Variants in SLC4A9 observed in about 807,000 individuals in gnomAD.
The protein encoded by SLC4A9 is solute carrier family 4 member 9.
In SLC4A9, 102 loss-of-function variants were observed where a neutral mutation model predicts 103.2. That is an observed-to-expected ratio of 0.99 (90% CI 0.84 to 1.17). SLC4A9 has a LOEUF of 1.17. Ranked by LOEUF, SLC4A9 falls within the 50% of genes most tolerant of loss-of-function variation. SLC4A9 has a pLI of 0.00. For missense variants in SLC4A9, 1,091 were observed against 1,193.7 expected (o/e 0.91, Z 1.27); for synonymous variants, 453 against 483.6 (o/e 0.94, Z 0.83).
In SLC4A9 at chr5:140,363,840, G is replaced by T; in HGVS notation, c.1192G>T (p.Ala398Ser). ...CFSAVLYIYL[A>S]TVTNAITFGG... ...CTCGGCCGTACTCTACATTTACCTG[G>T]CCACTGTCACTAATGCCATCACTTT... The change falls in exon 9 of 22, where the codon GCC (alanine) becomes TCC (serine). Residue 398 changes from alanine to serine, a missense_variant. Ala to Ser is a moderately conservative substitution (Grantham distance 99). Transcript: ENST00000506757. This position sits in a 1 kb window ranked among gnomAD's most constrained non-coding sequence, Gnocchi z 4.5. 5 of 1,613,992 alleles carry T rather than the reference G, an allele frequency of 3.1e-6. No individual in the cohort carries two copies. Among genetic ancestry groups the T allele is most frequent in the Non-Finnish European group, 3.4e-6 (4 of 1,179,872 alleles).
At chr5:140,366,811 C>A (rs1419499864) in intron 14 of SLC4A9, among the ~76,000 whole-genome samples, 2 of 152,196 alleles carry the variant, frequency 1.3e-5, no homozygotes, top group Non-Finnish European at 2.9e-5. Context: ...TCCCACCCCA[C>A]GTTGCCTACC....
At chr5:140,370,965 GA>G in intron 17 of SLC4A9, 129 bp from the exon 18 acceptor site, 1 of 683,704 alleles carries the variant, frequency 1.5e-6, no homozygotes, top group South Asian at 1.9e-5. Context: ...TGAAACATGT[GA>G]AAGGAAAGGC....
At position 140,364,185 on chromosome 5, in the gene SLC4A9, C is replaced by T. The variant is rs1340545420; in HGVS notation, c.1386C>T (p.Ser462=). 1.3e-6 allele frequency: 2 copies of T among 1,562,676 alleles called. No homozygotes were observed. Among genetic ancestry groups the T allele is most frequent in the African/African-American group, 2.7e-5 (2 of 73,382 alleles). Residue 462 remains serine (S), a splice_region_variant and synonymous_variant, in exon 10 of 22, where the codon AGC becomes AGT. Transcript: ENST00000506757. The stretch of plus-strand genomic sequence containing the variant: ...TTGAGCGCCTGCTCTTCTCTTTCAG[C>T]AGGTAGGAGAGCTCCCCCCATCACC... ...LVFERLLFSF[S]RDYSLDYLPF... is the part of the protein sequence containing the mutation.
At chr5:140,364,256 T>C in intron 10 of SLC4A9, 69 bp downstream of exon 10, 1 of 1,578,348 alleles carries the variant, frequency 6.3e-7, no homozygotes. Flanking sequence ...GCTGGGTGAA[T>C]AGGAGAGAGT....
At chr5:140,370,441 G>A (rs1478338652) in intron 17 of SLC4A9, among the ~76,000 whole-genome samples, 1 of 151,104 alleles carries the variant, frequency 6.6e-6, no homozygotes, top group East Asian at 1.9e-4. Flanking sequence ...CTCCAGTCTG[G>A]GTGGAAGAAC....
chr5:140,362,871 C>A (rs1210923971), intron 6 of SLC4A9, 41 bp from the exon 7 acceptor site: 1 of 1,612,906 alleles, frequency 6.2e-7, no homozygotes, highest in Non-Finnish European at 8.5e-7. Context: ...TGTAAGAGAC[C>A]AGGTTTGCAC....
intron 18 of SLC4A9, 139 bp from the exon 19 acceptor site, chr5:140,371,312 T>C: frequency 1.4e-6 from 2 of 1,397,586 alleles, no homozygotes; most frequent in East Asian, 2.3e-5. Context: ...TACTCTCTTT[T>C]TCCTGTCTCT....
intron 19 of SLC4A9, 102 bp from the exon 20 acceptor site, chr5:140,372,140 T>TA (rs1241192883): frequency 9.5e-7 from 1 of 1,049,612 alleles, no homozygotes; most frequent in Non-Finnish European, 1.3e-6. Flanking sequence ...GTGAAACTGA[T>TA]ATACAATGCC....
Position 140,363,592 on chromosome 5 carries a change from T to C in SLC4A9, c.1079+37T>C. 2 of 1,553,604 alleles carry C rather than the reference T, an allele frequency of 1.3e-6. No individual in the cohort carries two copies. The highest frequency in any genetic ancestry group is 1.7e-6 in the Non-Finnish European group (2 of 1,147,940). On this transcript the variant is annotated intron_variant, in intron 8 of 21. Transcript: ENST00000506757. The surrounding 1 kb of genome is among the most constrained non-coding windows in gnomAD (Gnocchi z 4.5). ...TGGGAGGAAACAAGGGTAGGTGACC[T>C]GGGGGAGGGGAGGAGTCACAGGGAA...
chr5:140,364,922 C>T (rs1767660389), intron 11 of SLC4A9, among the ~76,000 whole-genome samples: 1 of 152,206 alleles, frequency 6.6e-6, no homozygotes, highest in Non-Finnish European at 1.5e-5. Context: ...GTCGTGGAAG[C>T]ACTGGTTTGA....
Position 140,374,988 on chromosome 5 carries a change from A to G in SLC4A9, c.*207A>G, listed in dbSNP as rs1041160435. 4.6e-5 allele frequency: 7 copies of G among 152,048 alleles called. No homozygotes were observed. Among genetic ancestry groups the G allele is most frequent in the African/African-American group, 1.7e-4 (7 of 41,390 alleles). 9.4% of individuals were successfully genotyped at this position (152,048 alleles called of 1,614,324 possible). ...ATCAGGCCCCATTCACTCTCTACTC[A>G]TTAAAAGGTCCTGAGCCACGAAGCG... On this transcript the variant is annotated 3_prime_UTR_variant, in exon 22 of 22. Transcript: ENST00000506757.
At chr5:140,361,714 T>G (rs1001229584) in intron 3 of SLC4A9, 94 bp from the exon 4 acceptor site, 38 of 1,389,520 alleles carry the variant, frequency 2.7e-5, no homozygotes, top group Non-Finnish European at 3.8e-5. Context: ...ACTCTAATTC[T>G]TACAGCTTGT....
At position 140,360,317 on chromosome 5, in the gene SLC4A9, C is replaced by G. The variant is rs765949112; in HGVS notation, c.81C>G (p.Ser27Arg). 1.2e-5 allele frequency: 19 copies of G among 1,612,258 alleles called. No homozygotes were observed. The highest frequency in any genetic ancestry group is 1.7e-4 in the Middle Eastern group (1 of 6,060). Residue 27 changes from serine (S) to arginine (R), a missense_variant, in exon 1 of 22, where the codon AGC (serine) becomes AGG (arginine). Coordinates refer to ENST00000506757, the MANE Select transcript of SLC4A9 (RefSeq NM_031467.3). ...ATATTCCTTCAGGGGAGCTGGACAG[C>G]AACCCTGACCCTGGCACCGGCCCCA... is the stretch of plus-strand genomic sequence containing the variant. ...PRNIPSGELD[S>R]NPDPGTGPSP...
At position 140,368,595 on chromosome 5, in the gene SLC4A9, G is replaced by A. The variant is rs768650537; in HGVS notation, c.2363G>A (p.Arg788Lys). The part of the protein sequence containing the change: ...RPNFLGIREQ[R>K]LTGLVVFILT... Reference sequence around the variant, plus strand: ...CCTCCCTCTCCCCACAGGGAACAGAGGCTGACAGGCCTGGTGGTGTTCATC... The same window carrying A: ...CCTCCCTCTCCCCACAGGGAACAGAAGCTGACAGGCCTGGTGGTGTTCATC... Residue 788 changes from arginine (R) to lysine (K), a missense_variant, in exon 17 of 22, where the codon AGG (arginine) becomes AAG (lysine). Physicochemically the swap from Arg to Lys is conservative, Grantham distance 26. Coordinates refer to ENST00000506757, the MANE Select transcript of SLC4A9 (RefSeq NM_031467.3). 5.6e-6 allele frequency: 9 copies of A among 1,612,940 alleles called. No homozygotes were observed. The South Asian group carries it at 8.8e-5, about 16-fold the overall frequency.
At chr5:140,361,905 G>A in intron 4 of SLC4A9, 42 bp downstream of exon 4, 1 of 1,613,566 alleles carries the variant, frequency 6.2e-7, no homozygotes, top group Non-Finnish European at 8.5e-7. Flanking sequence ...GTGGCTGGGA[G>A]AGGGGTTAGA....
At position 140,366,198 on chromosome 5, in the gene SLC4A9, C is replaced by T. The variant is rs376677518; in HGVS notation, c.1947C>T (p.Leu649=). Residue 649 remains leucine (L), a synonymous_variant, in exon 14 of 22, where the codon CTC becomes CTT. Transcript: ENST00000506757. ...SDFSSVLAIL[L]GCGLDAFLGL... ...TCTCCTCAGTCCTGGCCATCCTGCT[C>T]GGCTGTGGCCTTGATGCTTTCCTGG... is the stretch of plus-strand genomic sequence containing the variant. 9.7e-5 allele frequency: 156 copies of T among 1,611,192 alleles called. 1 individual carries two copies. Among genetic ancestry groups the T allele is most frequent in the South Asian group, 9.5e-4 (86 of 90,768 alleles).
At position 140,360,921 on chromosome 5, in the gene SLC4A9, G is replaced by A. The variant is rs749841458; in HGVS notation, c.340G>A (p.Glu114Lys). 26 of 1,602,518 alleles carry A rather than the reference G, an allele frequency of 1.6e-5. No individual in the cohort carries two copies. The East Asian group carries it at 2.5e-4, about 15-fold the overall frequency. The change falls in exon 2 of 22, where the codon GAG becomes AAG. Residue 114 changes from glutamate to lysine, a missense_variant. Transcript: ENST00000506757. ...SLQKLRSLLA[E>K]GLVLLDCPAQ... is the part of the protein sequence containing the mutation. ...CCAGAAGCTCCGCAGCCTGCTGGCC[G>A]AGGGCCTTGTACTGCTGGACTGCCC...
At chr5:140,361,410 G>T in intron 3 of SLC4A9, 43 bp downstream of exon 3, 4 of 1,471,808 alleles carry the variant, frequency 2.7e-6, no homozygotes, top group Non-Finnish European at 3.7e-6. Context: ...CCCTGGTGTG[G>T]CAGGGTCTCA....
chr5:140,361,895 G>A, intron 4 of SLC4A9, 32 bp downstream of exon 4: 1 of 1,611,022 alleles, frequency 6.2e-7, no homozygotes, highest in Non-Finnish European at 8.5e-7. Flanking sequence ...TCCCTTTCCA[G>A]TGGCTGGGAG....
Sources: gnomAD v4.1 joint callset for allele counts (sites outside exome capture counted in the v4.1 genomes callset) on GRCh38, gnomAD v4.1.1 for gene constraint, Gnocchi (gnomAD v3.1) non-coding constraint, MANE v1.5 for transcripts, NCBI Gene and HGNC (gene_info 2026-07-23, HGNC 2026-07-21) for gene names.